The following TCERG1L variants were observed in gnomAD, a reference collection of about 807,000 sequenced individuals.
TCERG1L encodes the protein transcription elongation regulator 1 like, also known as transcription elongation regulator 1-like protein.
A neutral mutation model predicts 56.3 loss-of-function variants in TCERG1L; 37 were observed. The observed-to-expected ratio is 0.66, with a 90% CI of 0.51 to 0.87. The LOEUF is 0.87. Ranked by LOEUF, TCERG1L falls within the 40% of genes least tolerant of loss-of-function variation. TCERG1L has a pLI of 0.00. For synonymous variants in TCERG1L, 324 were observed against 326.3 expected (o/e 0.99, Z 0.08); for missense variants, 799 against 774.2 (o/e 1.03, Z -0.38).
intron 3 of TCERG1L, among the ~76,000 whole-genome samples, chr10:131,298,702 C>A (rs747243944): frequency 1.3e-5 from 2 of 152,222 alleles, no homozygotes; most frequent in African/African-American, 4.8e-5. Context: ...GCATGAGCCA[C>A]GGCGTCCAGC....
intron 8 of TCERG1L, among the ~76,000 whole-genome samples, chr10:131,119,505 G>C (rs550021511): frequency 6.6e-6 from 1 of 152,142 alleles, no homozygotes; most frequent in Non-Finnish European, 1.5e-5. Context: ...GTTAAAAATA[G>C]AAATGTGAAA....
At chr10:131,181,074 C>T (rs1014910886) in intron 4 of TCERG1L, among the ~76,000 whole-genome samples, 3 of 152,210 alleles carry the variant, frequency 2.0e-5, no homozygotes, top group Non-Finnish European at 2.9e-5. Context: ...CCTGCCACTG[C>T]CCGCCACAGA....
At chr10:131,147,565 G>A (rs979020441) in intron 6 of TCERG1L, among the ~76,000 whole-genome samples, 5 of 152,356 alleles carry the variant, frequency 3.3e-5, no homozygotes, top group South Asian at 4.1e-4. Context: ...TGCTGGCACC[G>A]AGGCCCGTTC....
chr10:131,230,210 T>C (rs768972817), intron 4 of TCERG1L, among the ~76,000 whole-genome samples: 73 of 151,732 alleles, frequency 4.8e-4, no homozygotes, highest in Admixed American at 1.5e-3. Context: ...CCTCCTTGGG[T>C]CCTTGTGTTT....
chr10:131,153,478 C>T (rs10741244), intron 6 of TCERG1L, among the ~76,000 whole-genome samples: 30,727 of 152,100 alleles, frequency 0.2, 3,464 homozygotes, highest in East Asian at 0.35. Flanking sequence ...ATGCTCCAGG[C>T]GGCCCTATCC....
intron 4 of TCERG1L, among the ~76,000 whole-genome samples, chr10:131,218,489 CTATTTATT>C (rs61109787): frequency 2.6e-5 from 4 of 151,144 alleles, no homozygotes; most frequent in Non-Finnish European, 5.9e-5. Flanking sequence ...TCCTTTTTTT[CTATTTATT>C]TATTTATTTA....
At chr10:131,108,128 G>A (rs188878004) in intron 9 of TCERG1L, among the ~76,000 whole-genome samples, 9 of 152,248 alleles carry the variant, frequency 5.9e-5, no homozygotes, top group Non-Finnish European at 1.3e-4. Flanking sequence ...AGTGGCCGTG[G>A]ACAAAACCGG....
chr10:131,219,145 C>G (rs1845704024), intron 4 of TCERG1L, among the ~76,000 whole-genome samples: 1 of 152,176 alleles, frequency 6.6e-6, no homozygotes, highest in Non-Finnish European at 1.5e-5. Context: ...TCATGATGGC[C>G]CTCCCTGGCC....
At chr10:131,207,190 C>T (rs1269105794) in intron 4 of TCERG1L, among the ~76,000 whole-genome samples, 8 of 151,846 alleles carry the variant, frequency 5.3e-5, no homozygotes, top group African/African-American at 1.7e-4. Context: ...ACCCTGATCC[C>T]CTCCCCCACC....
intron 9 of TCERG1L, among the ~76,000 whole-genome samples, chr10:131,109,073 T>TGG (rs145802182): frequency 2.0e-5 from 3 of 148,352 alleles, no homozygotes; most frequent in African/African-American, 7.4e-5. Flanking sequence ...TGTTGTGGGG[T>TGG]GGGGGGGGTG....
intron 3 of TCERG1L, among the ~76,000 whole-genome samples, chr10:131,299,484 T>C (rs1177118066): frequency 2.0e-5 from 3 of 152,142 alleles, no homozygotes; most frequent in Non-Finnish European, 2.9e-5. Context: ...TACTGTTTTA[T>C]ATCTTTTGAA....
At chr10:131,124,052 A>C (rs1472239405) in intron 8 of TCERG1L, among the ~76,000 whole-genome samples, 1 of 152,120 alleles carries the variant, frequency 6.6e-6, no homozygotes, top group Non-Finnish European at 1.5e-5. Flanking sequence ...AGTGGGGGAC[A>C]CTTTTCTGTC....
At chr10:131,310,710 G>A (rs1221390702) in intron 1 of TCERG1L, among the ~76,000 whole-genome samples, 1 of 152,214 alleles carries the variant, frequency 6.6e-6, no homozygotes, top group Non-Finnish European at 1.5e-5. Context: ...GACTCCGGCA[G>A]GCCTGGGGCA....
At chr10:131,104,192 TC>T (rs1845328719) in intron 10 of TCERG1L, 72 bp downstream of exon 10, 7 of 1,096,786 alleles carry the variant, frequency 6.4e-6, no homozygotes, top group Non-Finnish European at 2.7e-6. Flanking sequence ...AATGAAAAGC[TC>T]CCCAGATCCA....
At chr10:131,276,820 G>A (rs879751428) in intron 3 of TCERG1L, among the ~76,000 whole-genome samples, 5 of 152,114 alleles carry the variant, frequency 3.3e-5, no homozygotes, top group African/African-American at 4.8e-5. Context: ...AGTGGATCGC[G>A]GATAAATGTG....
At chr10:131,247,238 C>T (rs149282254) in intron 4 of TCERG1L, among the ~76,000 whole-genome samples, 300 of 152,358 alleles carry the variant, frequency 2.0e-3, no homozygotes, top group African/African-American at 4.3e-3. Context: ...GTACCCTGTG[C>T]TGGGCAGACA....
chr10:131,208,004 G>A (rs768613494), intron 4 of TCERG1L, among the ~76,000 whole-genome samples: 8 of 152,096 alleles, frequency 5.3e-5, no homozygotes, highest in Non-Finnish European at 8.8e-5. Context: ...TCCACAATGA[G>A]CCAACCCACC....
At chr10:131,286,677 T>C (rs951898479) in intron 3 of TCERG1L, among the ~76,000 whole-genome samples, 10 of 152,242 alleles carry the variant, frequency 6.6e-5, no homozygotes, top group African/African-American at 2.4e-4. Flanking sequence ...GCTATTCTCA[T>C]AAGATCAAAG....
chr10:131,166,847 C>G lies in TCERG1L; in HGVS notation c.895G>C (p.Ala299Pro), dbSNP rs753532844. Residue 299 changes from alanine to proline, a missense_variant, in exon 5 of 12, where the codon GCC becomes CCC. By Grantham distance (27) the Ala-to-Pro change is conservative (BLOSUM62 -1). Coordinates refer to ENST00000368642, the MANE Select transcript of TCERG1L (RefSeq NM_174937.4). Reference protein sequence around the residue: ...TERGRVARPPALMLRAQKSRD... With the variant: ...TERGRVARPPPLMLRAQKSRD... ...CTCTTCTGGGCCCGCAGCATCAGGGCAGGAGGGCGGGCCACTCGGCCCCGC... is the reference window on the plus strand; with the variant it reads ...CTCTTCTGGGCCCGCAGCATCAGGGGAGGAGGGCGGGCCACTCGGCCCCGC... 6.2e-7 allele frequency: 1 copy of G among 1,613,704 alleles called. No homozygotes were observed. The highest frequency in any genetic ancestry group is 2.2e-5 in the East Asian group (1 of 44,884).
Sources: allele counts gnomAD v4.1 joint callset (sites outside exome capture counted in the v4.1 genomes callset), GRCh38; gene constraint gnomAD v4.1.1; transcripts MANE v1.5; gene names NCBI Gene and HGNC (gene_info 2026-07-23, HGNC 2026-07-21).